GOLGA2: variants seen among roughly 807,000 people sequenced by gnomAD.
GOLGA2 encodes the protein golgin A2, also known as golgin subfamily A member 2.
GOLGA2 carries 49 observed loss-of-function variants against 148.8 expected under a neutral mutation model. That is an observed-to-expected ratio of 0.33 (90% CI 0.26 to 0.42). The LOEUF is 0.42. Among genes scored for constraint, GOLGA2 ranks in the 10% least tolerant of loss-of-function variants. The probability of loss-of-function intolerance (pLI) is 1.00; values close to 1 mark genes in which losing one functional copy is unlikely to be tolerated. For missense variants in GOLGA2, 1,178 were observed against 1,304.6 expected (o/e 0.90, Z 1.49); for synonymous variants, 501 against 511.8 (o/e 0.98, Z 0.28).
rs764685846 is a variant in GOLGA2 at position 128,267,280 on chromosome 9, G to A, written c.562-6C>T. 6.3e-7 allele frequency: 1 copy of A among 1,599,502 alleles called. No individual in the cohort carries two copies. Among genetic ancestry groups the A allele is most frequent in the Non-Finnish European group, 8.6e-7 (1 of 1,166,740 alleles). On this transcript the variant is annotated splice_polypyrimidine_tract_variant and splice_region_variant and intron_variant, in intron 7 of 26. Coordinates refer to ENST00000611957, the MANE Select transcript of GOLGA2 (RefSeq NM_001366244.2). ...GCTAGCTGTTGGTACCGGCTCTGAG[G>A]CGCATGCAGAGAGGAGGAGTTGGAG...
chr9:128,266,018 T>C lies in GOLGA2; in HGVS notation c.684A>G (p.Glu228=). The change falls in exon 10 of 27, where the codon GAA becomes GAG. Residue 228 remains glutamate, a splice_region_variant and synonymous_variant. Transcript: ENST00000611957. The surrounding 1 kb of genome is among the most constrained non-coding windows in gnomAD (Gnocchi z 4.2). ...CCTGCTTTTGGTGGCATTCTTTCTT[T>C]TCCTATAGGAAGAGGAAGACAGAGC... ...NQEITDQLEE[E]KKECHQKQGA... 3.7e-6 allele frequency: 6 copies of C among 1,612,784 alleles called. No individual in the cohort carries two copies. The highest frequency in any genetic ancestry group is 5.1e-6 in the Non-Finnish European group (6 of 1,178,764).
Position 128,257,887 on chromosome 9 carries a change from G to A in GOLGA2, c.2514C>T (p.Arg838=). 1 of 1,614,026 alleles carries A rather than the reference G, an allele frequency of 6.2e-7. No individual in the cohort carries two copies. Among genetic ancestry groups the A allele is most frequent in the Non-Finnish European group, 8.5e-7 (1 of 1,179,910 alleles). ...CCTTCTCCTGCATGAGCTCCATAAAGCGGCTCTGGAACCAAAATAATGGAG... is the reference window on the plus strand; with the variant it reads ...CCTTCTCCTGCATGAGCTCCATAAAACGGCTCTGGAACCAAAATAATGGAG... ...LQGAMEKLQS[R]FMELMQEKAD... is the part of the protein sequence containing the mutation. Residue 838 remains arginine, a synonymous_variant, in exon 24 of 27, where the codon CGC becomes CGT. Coordinates refer to ENST00000611957, the MANE Select transcript of GOLGA2 (RefSeq NM_001366244.2). The surrounding 1 kb of genome is among the most constrained non-coding windows in gnomAD (Gnocchi z 8.0).
At position 128,260,366 on chromosome 9, in the gene GOLGA2, C is replaced by A; in HGVS notation, c.1758+99G>T. 8.8e-7 allele frequency: 1 copy of A among 1,136,166 alleles called. No individual in the cohort carries two copies. 70.4% of individuals were successfully genotyped at this position (1,136,166 alleles called of 1,614,324 possible). On this transcript the variant is annotated intron_variant, in intron 18 of 26. Coordinates refer to ENST00000611957, the MANE Select transcript of GOLGA2 (RefSeq NM_001366244.2). The surrounding 1 kb of genome is among the most constrained non-coding windows in gnomAD (Gnocchi z 4.8). ...GGCTCACAGATGCCTCCAGAAGTAC[C>A]ATTTCAAGTGAGGGCTACACTGCCC...
Position 128,257,246 on chromosome 9 carries a change from G to T in GOLGA2, c.2911C>A (p.Pro971Thr). 2 of 1,613,428 alleles carry T rather than the reference G, an allele frequency of 1.2e-6. No homozygotes were observed. The highest frequency in any genetic ancestry group is 1.3e-5 in the African/African-American group (1 of 75,028). ...CCCTCCCTGGCCTCTCCTTGGGCAGGCTCCACACTGCCGGCGAGGCTCACC... is the reference window on the plus strand; with the variant it reads ...CCCTCCCTGGCCTCTCCTTGGGCAGTCTCCACACTGCCGGCGAGGCTCACC... ...CEVSLAGSVEPAQGEAREGSP... is the reference protein window; with the variant it reads ...CEVSLAGSVETAQGEAREGSP... The change falls in exon 27 of 27, where the codon CCT becomes ACT. Residue 971 changes from proline (P) to threonine (T), a missense_variant. By Grantham distance (38) the Pro-to-Thr change is conservative. This residue lies in a region of GOLGA2 where 149 missense variants were observed against 154.9 expected (regional missense o/e 0.96). Coordinates refer to ENST00000611957, the MANE Select transcript of GOLGA2 (RefSeq NM_001366244.2). This position sits in a 1 kb window ranked among gnomAD's most constrained non-coding sequence, Gnocchi z 8.0.
chr9:128,264,695 TG>T (rs1830490775), intron 12 of GOLGA2, among the ~76,000 whole-genome samples: 1 of 152,198 alleles, frequency 6.6e-6, no homozygotes, highest in Admixed American at 6.5e-5. Flanking sequence ...CCCAAAGTGC[TG>T]GGATTACAGG....
intron 2 of GOLGA2, 111 bp downstream of exon 2, chr9:128,273,739 C>T: frequency 7.3e-7 from 1 of 1,367,214 alleles, no homozygotes; most frequent in Non-Finnish European, 1.0e-6. Context: ...AGGTAGGATA[C>T]AAACCCAGAA....
chr9:128,270,743 G>C (rs1830890064), intron 3 of GOLGA2, among the ~76,000 whole-genome samples: 1 of 152,026 alleles, frequency 6.6e-6, no homozygotes, highest in Admixed American at 6.6e-5. Context: ...CGGATATAGA[G>C]AAGGTATAAA....
In GOLGA2 at chr9:128,258,680, A is replaced by T. The variant is rs549754145; in HGVS notation, c.2174-110T>A. Reference sequence around the variant, plus strand: ...CTGGGCCAGCCCCTCCCCAGAGGGAAATAAGCATCTGTTCTTTATTTTTAT... The same window carrying T: ...CTGGGCCAGCCCCTCCCCAGAGGGATATAAGCATCTGTTCTTTATTTTTAT... On this transcript the variant is annotated intron_variant, in intron 21 of 26. Coordinates refer to ENST00000611957, the MANE Select transcript of GOLGA2 (RefSeq NM_001366244.2). This position sits in a 1 kb window ranked among gnomAD's most constrained non-coding sequence, Gnocchi z 6.6. The T allele has an allele frequency of 1.4e-6, 1 of 737,594 alleles. No individual in the cohort carries two copies. The highest frequency in any genetic ancestry group is 1.8e-5 in the African/African-American group (1 of 55,562). The allele number at this position is 737,594 out of a possible 1,614,324, so 45.7% of individuals were successfully genotyped here.
chr9:128,261,064 C>T lies in GOLGA2; in HGVS notation c.1420+108G>A, dbSNP rs1830242473. The T allele has an allele frequency of 4.8e-6, 4 of 827,058 alleles. No homozygotes were observed. Among genetic ancestry groups the T allele is most frequent in the African/African-American group, 3.3e-5 (2 of 60,022 alleles). 51.2% of individuals were successfully genotyped at this position (827,058 alleles called of 1,614,324 possible). ...CATCTCCTGGCACAGACCTCTTTCC[C>T]TCTGCCTCAAAGCCATTCCATCCAC... On this transcript the variant is annotated intron_variant, in intron 17 of 26. Coordinates refer to ENST00000611957, the MANE Select transcript of GOLGA2 (RefSeq NM_001366244.2). This position sits in a 1 kb window ranked among gnomAD's most constrained non-coding sequence, Gnocchi z 5.7.
At position 128,262,710 on chromosome 9, in the gene GOLGA2, G is replaced by A. The variant is rs202196299; in HGVS notation, c.993-6C>T. On this transcript the variant is annotated splice_polypyrimidine_tract_variant and splice_region_variant and intron_variant, in intron 13 of 26. Transcript: ENST00000611957. ...TCAGGTCCTCATTGCTTTGGCTATG[G>A]CCAGAGGCAGTAGAGAAAGGAATGA... 267 of 1,610,936 alleles carry A rather than the reference G, an allele frequency of 1.7e-4. No individual in the cohort carries two copies. The highest frequency in any genetic ancestry group is 2.2e-4 in the Non-Finnish European group (256 of 1,178,562).
In GOLGA2 at chr9:128,271,858, T is replaced by C. The variant is rs756949831; in HGVS notation, c.288+927A>G. 5.7e-4 allele frequency among the ~76,000 whole-genome samples: 87 copies of C among 152,186 alleles called. 1 individual carries two copies. Among genetic ancestry groups the C allele is most frequent in the Non-Finnish European group, 1.2e-3 (81 of 68,032 alleles). On this transcript the variant is annotated intron_variant, in intron 3 of 26. Transcript: ENST00000611957. This position sits in a 1 kb window ranked among gnomAD's most constrained non-coding sequence, Gnocchi z 4.4. The stretch of plus-strand genomic sequence containing the variant: ...TTTGTTGTCAAGAGCCCAATGAATA[T>C]GGCTAAATGTCCATTTGGAGAGATT...
chr9:128,266,167 C>G lies in GOLGA2; in HGVS notation c.681+120G>C. On this transcript the variant is annotated intron_variant, in intron 9 of 26. Transcript: ENST00000611957. This position sits in a 1 kb window ranked among gnomAD's most constrained non-coding sequence, Gnocchi z 4.2. The stretch of plus-strand genomic sequence containing the variant: ...GGACCCTGTGGGGATGGGGTGGAAT[C>G]TGGGGGGGTGAGCCTTCTTCCCCAG... The G allele has an allele frequency of 7.3e-7, 1 of 1,374,610 alleles. No individual in the cohort carries two copies. The highest frequency in any genetic ancestry group is 1.7e-5 in the Admixed American group (1 of 59,628). The allele number at this position is 1,374,610 out of a possible 1,614,324, so 85.2% of individuals were successfully genotyped here.
rs1176757188 is a variant in GOLGA2, at chr9:128,266,744, A to C, written c.643-419T>G. The C allele has an allele frequency of 8.6e-6, 3 of 348,486 alleles. No individual in the cohort carries two copies. The East Asian group carries it at 2.0e-4, about 23-fold the overall frequency. The allele number at this position is 348,486 out of a possible 1,614,324, so 21.6% of individuals were successfully genotyped here. A position where few individuals can be genotyped will look rare whatever the true frequency, so the allele number is the denominator to read the frequency against. On this transcript the variant is annotated intron_variant, in intron 8 of 26. Coordinates refer to ENST00000611957, the MANE Select transcript of GOLGA2 (RefSeq NM_001366244.2). The surrounding 1 kb of genome is among the most constrained non-coding windows in gnomAD (Gnocchi z 4.2). ...AGGAGCCCTTGGCCCTGAGGTTTAC[A>C]TTCTAATGGGCCTTTAAATCTTGGA...
At chr9:128,264,189 G>A (rs1186006328) in intron 12 of GOLGA2, among the ~76,000 whole-genome samples, 1 of 150,856 alleles carries the variant, frequency 6.6e-6, no homozygotes, top group African/African-American at 2.4e-5. Flanking sequence ...TGGTAAGGGT[G>A]GAAGGAACAG....
rs768478220 is a variant in GOLGA2 at position 128,257,237 on chromosome 9, C to G, written c.2920G>C (p.Gly974Arg). The change falls in exon 27 of 27, where the codon GGA (glycine) becomes CGA (arginine). Residue 974 changes from glycine (G) to arginine (R), a missense_variant. Gly to Arg is a moderately radical substitution (Grantham distance 125, BLOSUM62 -2). Around this residue, in one of 5 missense-constraint regions of GOLGA2, gnomAD observed 149 missense variants for 154.9 expected, o/e 0.96. Coordinates refer to ENST00000611957, the MANE Select transcript of GOLGA2 (RefSeq NM_001366244.2). The surrounding 1 kb of genome is among the most constrained non-coding windows in gnomAD (Gnocchi z 8.0). ...SLAGSVEPAQ[G>R]EAREGSPRDN... ...CGGGGAGAACCCTCCCTGGCCTCTC[C>G]TTGGGCAGGCTCCACACTGCCGGCG... The G allele has an allele frequency of 1.2e-6, 2 of 1,613,622 alleles. No individual in the cohort carries two copies. Among genetic ancestry groups the G allele is most frequent in the South Asian group, 2.2e-5 (2 of 91,052 alleles).
chr9:128,261,497 TCTC>T lies in GOLGA2; in HGVS notation c.1286_1288del (p.Gly429del). ...CATCCTCTGCCGCCACATGGCGCTC[TCTC>T]CTTTGAGATTCTCCGCATATTTATC... is the stretch of plus-strand genomic sequence containing the variant. On this transcript the variant is annotated inframe_deletion, in exon 16 of 27. Coordinates refer to ENST00000611957, the MANE Select transcript of GOLGA2 (RefSeq NM_001366244.2). This position sits in a 1 kb window ranked among gnomAD's most constrained non-coding sequence, Gnocchi z 5.7. 1 of 1,612,106 alleles carries T rather than the reference TCTC, an allele frequency of 6.2e-7. No individual in the cohort carries two copies. Among genetic ancestry groups the T allele is most frequent in the Non-Finnish European group, 8.5e-7 (1 of 1,178,118 alleles).
rs763784265 is a variant in GOLGA2, at chr9:128,267,521, TAA to T, written c.502-6_502-5del. 6.2e-7 allele frequency: 1 copy of T among 1,610,242 alleles called. No individual in the cohort carries two copies. The highest frequency in any genetic ancestry group is 1.1e-5 in the South Asian group (1 of 90,988). Reference sequence around the variant, plus strand: ...CCCCATTGACACATGTCGCAGACTATAAGAGACGAGAGTGCACATGGAGATGT... The same window carrying T: ...CCCCATTGACACATGTCGCAGACTATGAGACGAGAGTGCACATGGAGATGT... On this transcript the variant is annotated splice_polypyrimidine_tract_variant and splice_region_variant and intron_variant, in intron 6 of 26. Coordinates refer to ENST00000611957, the MANE Select transcript of GOLGA2 (RefSeq NM_001366244.2).
chr9:128,267,330 G>A, intron 7 of GOLGA2, 56 bp from the exon 8 acceptor site: 5 of 1,411,040 alleles, frequency 3.5e-6, no homozygotes, highest in Non-Finnish European at 5.0e-6. Flanking sequence ...GAGGTAGAGA[G>A]AGCAATCATT....
chr9:128,270,046 C>G (rs922680335), intron 3 of GOLGA2, among the ~76,000 whole-genome samples: 1 of 152,042 alleles, frequency 6.6e-6, no homozygotes, highest in Admixed American at 6.6e-5. Context: ...AGCAATGGAC[C>G]CTGCTAGGCT....
Sources: allele counts gnomAD v4.1 joint callset (sites outside exome capture counted in the v4.1 genomes callset), GRCh38; gene constraint gnomAD v4.1.1; regional missense constraint gnomAD v4.1.1; non-coding constraint Gnocchi (gnomAD v3.1); transcripts MANE v1.5; gene names NCBI Gene and HGNC (gene_info 2026-07-23, HGNC 2026-07-21).